RNF217: variants seen among roughly 807,000 people sequenced by gnomAD.
RNF217 encodes ring finger protein 217.
In RNF217, 31 loss-of-function variants were observed where a neutral mutation model predicts 57.8. The observed-to-expected ratio is 0.54, with a 90% CI of 0.40 to 0.72. The LOEUF (loss-of-function observed/expected upper bound fraction) is 0.72, where lower values mean the gene tolerates loss of function less well. RNF217 is among the 30% of genes least tolerant of loss of function. RNF217 has a pLI of 0.00. For synonymous variants in RNF217, 313 were observed against 294.0 expected, an observed-to-expected ratio of 1.06 and a Z score of -0.66; for missense variants, 696 against 708.3, an observed-to-expected ratio of 0.98 and a Z score of 0.20.
At chr6:125,028,949 G>A (rs983370405) in intron 1 of RNF217, among the ~76,000 whole-genome samples, 3 of 152,090 alleles carry the variant, frequency 2.0e-5, no homozygotes, top group African/African-American at 7.2e-5. Context: ...ATCTATCTCA[G>A]TTGTAACATG....
chr6:124,976,674 T>C (rs1783976415), intron 1 of RNF217, among the ~76,000 whole-genome samples: 1 of 152,054 alleles, frequency 6.6e-6, no homozygotes, highest in Admixed American at 6.6e-5. Context: ...TAATTTTTTG[T>C]GTGTGCTTTT....
At chr6:125,082,824 C>A in intron 5 of RNF217, 40 bp from the exon 6 acceptor site, 2 of 1,404,396 alleles carry the variant, frequency 1.4e-6, no homozygotes, top group Non-Finnish European at 2.0e-6. Context: ...AACCTAAATG[C>A]CTCTCATCCT....
chr6:125,000,195 C>T (rs546206152), intron 1 of RNF217, among the ~76,000 whole-genome samples: 2 of 152,006 alleles, frequency 1.3e-5, no homozygotes, highest in Non-Finnish European at 2.9e-5. Context: ...CTTGCCACAT[C>T]GTACCATTAT....
Position 125,058,060 on chromosome 6 carries a change from A to T in RNF217, c.1235A>T (p.Glu412Val), listed in dbSNP as rs780499838. 6 of 1,613,582 alleles carry T rather than the reference A, an allele frequency of 3.7e-6. No individual in the cohort carries two copies. Among genetic ancestry groups the T allele is most frequent in the Non-Finnish European group, 5.1e-6 (6 of 1,179,718 alleles). ...AAATTGTTGCGTCACTGGGCCAGCG[A>T]AATTGAGCATGGGCAGAGGAATGCC... ...GDKLLRHWAS[E>V]IEHGQRNAQK... is the part of the protein sequence containing the mutation. The change falls in exon 3 of 6, where the codon GAA becomes GTA. Residue 412 changes from glutamate to valine, a missense_variant. By Grantham distance (121) the Glu-to-Val change is moderately radical (BLOSUM62 -2). Around this residue, in one of 2 missense-constraint regions of RNF217, gnomAD observed 231 missense variants for 321.4 expected, o/e 0.72. Transcript: ENST00000521654.
At chr6:124,967,476 G>T (rs957910284) in intron 1 of RNF217, among the ~76,000 whole-genome samples, 1 of 152,186 alleles carries the variant, frequency 6.6e-6, no homozygotes, top group African/African-American at 2.4e-5. Flanking sequence ...GAGACATGAG[G>T]ATGCCAAAGG....
At chr6:125,025,270 G>T (rs1786029127) in intron 1 of RNF217, among the ~76,000 whole-genome samples, 1 of 152,126 alleles carries the variant, frequency 6.6e-6, no homozygotes, top group East Asian at 1.9e-4. Flanking sequence ...TTTTAATGTG[G>T]ACGTGAACAC....
intron 1 of RNF217, among the ~76,000 whole-genome samples, chr6:125,023,533 TAAAATAG>T (rs1785938890): frequency 6.6e-6 from 1 of 152,118 alleles, no homozygotes; most frequent in African/African-American, 2.4e-5. Context: ...TCAAAAAACT[TAAAATAG>T]AACTGCCAGA....
At chr6:125,069,547 G>A (rs990788) in intron 3 of RNF217, among the ~76,000 whole-genome samples, 65,091 of 151,870 alleles carry the variant, frequency 0.43, 14,445 homozygotes, top group Middle Eastern at 0.51. Flanking sequence ...TCTTTATCCA[G>A]TCCACTGTTG....
At chr6:125,027,757 T>C (rs1381893489) in intron 1 of RNF217, among the ~76,000 whole-genome samples, 2 of 152,184 alleles carry the variant, frequency 1.3e-5, no homozygotes, top group Non-Finnish European at 2.9e-5. Context: ...TTGTACTAAT[T>C]TACATTCCCA....
chr6:125,063,143 A>G (rs1385077792), intron 3 of RNF217, among the ~76,000 whole-genome samples: 1 of 152,218 alleles, frequency 6.6e-6, no homozygotes, highest in Non-Finnish European at 1.5e-5. Flanking sequence ...TATTTGTTCA[A>G]TGTCATGCAA....
chr6:125,077,058 T>G (rs1253128929), intron 4 of RNF217, among the ~76,000 whole-genome samples, 200 bp downstream of exon 4: 1 of 152,178 alleles, frequency 6.6e-6, no homozygotes, highest in Non-Finnish European at 1.5e-5. Flanking sequence ...CAAGTAGTAA[T>G]TTTGTTTGAA....
At position 125,045,328 on chromosome 6, in the gene RNF217, T is replaced by C. The variant is rs1037017586; in HGVS notation, c.1000T>C (p.Leu334=). The change falls in exon 2 of 6, where the codon TTG becomes CTG. Residue 334 remains leucine, a synonymous_variant. Coordinates refer to ENST00000521654, the MANE Select transcript of RNF217 (RefSeq NM_001286398.3). The part of the protein sequence containing the change: ...HEDSIKYKYF[L]ELGRIDSSTK... ...AGACTCCATCAAGTATAAGTACTTC[T>C]TGGAACTTGGCCGTATTGATTCCAG... 1.9e-5 allele frequency: 31 copies of C among 1,613,426 alleles called. No homozygotes were observed. The highest frequency in any genetic ancestry group is 2.4e-5 in the Non-Finnish European group (28 of 1,179,592).
In RNF217 at chr6:125,084,921, A is replaced by T. The variant is rs1788726937; in HGVS notation, c.*1984A>T. On this transcript the variant is annotated 3_prime_UTR_variant, in exon 6 of 6. Coordinates refer to ENST00000521654, the MANE Select transcript of RNF217 (RefSeq NM_001286398.3). The stretch of plus-strand genomic sequence containing the variant: ...AGAATTTCTAACCTGTCATAAGAGT[A>T]AGGTTTCGTAAATTCATCTTTCCTG... 6.6e-6 allele frequency: 1 copy of T among 151,890 alleles called. No homozygotes were observed. Among genetic ancestry groups the T allele is most frequent in the Non-Finnish European group, 1.5e-5 (1 of 67,818 alleles). The allele number at this position is 151,890 out of a possible 1,614,324, so 9.4% of individuals were successfully genotyped here.
At chr6:125,050,282 G>A (rs949438707) in intron 2 of RNF217, among the ~76,000 whole-genome samples, 1 of 151,834 alleles carries the variant, frequency 6.6e-6, no homozygotes, top group Non-Finnish European at 1.5e-5. Flanking sequence ...TCTTTTGATG[G>A]TTTTCTTCAG....
In RNF217 at chr6:125,012,485, G is replaced by T. The variant is rs189121960; in HGVS notation, c.883-32726G>T. On this transcript the variant is annotated intron_variant, in intron 1 of 5. Coordinates refer to ENST00000521654, the MANE Select transcript of RNF217 (RefSeq NM_001286398.3). ...GGTTCACAATTGTTTATACTACTTTGGATCTTCTGTTTAAAATATATTTGC... is the reference window on the plus strand; with the variant it reads ...GGTTCACAATTGTTTATACTACTTTTGATCTTCTGTTTAAAATATATTTGC... Among the ~76,000 whole-genome samples, 55 of 151,964 alleles carry T rather than the reference G, an allele frequency of 3.6e-4. 1 individual carries two copies. The highest frequency in any genetic ancestry group is 1.3e-3 in the African/African-American group (55 of 41,462).
At chr6:125,040,751 C>T (rs1374822727) in intron 1 of RNF217, among the ~76,000 whole-genome samples, 16 of 152,076 alleles carry the variant, frequency 1.1e-4, no homozygotes, top group African/African-American at 3.4e-4. Flanking sequence ...ACGATCAAGT[C>T]GGCTTCATCC....
intron 5 of RNF217, 101 bp from the exon 6 acceptor site, chr6:125,082,763 T>C: frequency 8.8e-7 from 1 of 1,130,540 alleles, no homozygotes; most frequent in Non-Finnish European, 1.3e-6. Context: ...TCTTCTTCTT[T>C]GTATGTTCGT....
At chr6:125,070,607 C>T (rs1259266279) in intron 3 of RNF217, among the ~76,000 whole-genome samples, 1 of 152,120 alleles carries the variant, frequency 6.6e-6, no homozygotes, top group African/African-American at 2.4e-5. Context: ...TGATGCTGAG[C>T]ATTTTTTCAT....
Position 125,055,733 on chromosome 6 carries a change from A to G in RNF217, c.1117-2209A>G, listed in dbSNP as rs74829915. ...GGTGTTCTGACTTAATGTTAGATGCATAAGGAAAAGCAATTTTTTTCCTTC... is the reference window on the plus strand; with the variant it reads ...GGTGTTCTGACTTAATGTTAGATGCGTAAGGAAAAGCAATTTTTTTCCTTC... On this transcript the variant is annotated intron_variant, in intron 2 of 5. Transcript: ENST00000521654. Among the ~76,000 whole-genome samples the G allele has an allele frequency of 5.9e-3, 901 of 152,310 alleles. 9 individuals carry two copies. Among genetic ancestry groups the G allele is most frequent in the African/African-American group, 0.02 (839 of 41,572 alleles).
Sources: allele counts gnomAD v4.1 joint callset (sites outside exome capture counted in the v4.1 genomes callset), GRCh38; gene constraint gnomAD v4.1.1; regional missense constraint gnomAD v4.1.1; transcripts MANE v1.5; gene names NCBI Gene and HGNC (gene_info 2026-07-23, HGNC 2026-07-21).